Variants in CARNMT1 observed in about 807,000 individuals in gnomAD.
CARNMT1 encodes carnosine N-methyltransferase 1, also known as protein-L-histidine N-pros-methyltransferase CARNMT1.
In CARNMT1, 28 loss-of-function variants were observed where a neutral mutation model predicts 49.6. That is an observed-to-expected ratio of 0.56 (90% CI 0.42 to 0.77). The LOEUF (loss-of-function observed/expected upper bound fraction) is 0.77. Among genes scored for constraint, CARNMT1 ranks in the 30% least tolerant of loss-of-function variants. The pLI is 0.00. For synonymous variants in CARNMT1, 178 were observed against 175.0 expected, an observed-to-expected ratio of 1.02 and a Z score of -0.13; for missense variants, 421 against 512.6, an observed-to-expected ratio of 0.82 and a Z score of 1.73.
intron 1 of CARNMT1, among the ~76,000 whole-genome samples, chr9:75,027,780 C>T (rs1364021163): frequency 6.6e-6 from 1 of 152,218 alleles, no homozygotes; most frequent in Non-Finnish European, 1.5e-5. Flanking sequence ...ATCCTGAGGT[C>T]AGAAGACACG....
At chr9:75,012,782 G>A (rs916679243) in intron 3 of CARNMT1, among the ~76,000 whole-genome samples, 6 of 151,618 alleles carry the variant, frequency 4.0e-5, no homozygotes, top group African/African-American at 1.5e-4. Flanking sequence ...GCCAGGCGTC[G>A]TGGCGGGCGT....
chr9:75,013,075 T>G (rs1414245984), intron 3 of CARNMT1, among the ~76,000 whole-genome samples: 1 of 152,162 alleles, frequency 6.6e-6, no homozygotes, highest in Non-Finnish European at 1.5e-5. Flanking sequence ...CCCACAATTT[T>G]TTGTCTTTGA....
At chr9:74,997,283 T>A (rs1197217764) in intron 5 of CARNMT1, among the ~76,000 whole-genome samples, 1 of 152,066 alleles carries the variant, frequency 6.6e-6, no homozygotes, top group Non-Finnish European at 1.5e-5. Context: ...ATCTTCCATC[T>A]CTCCCTTTCT....
rs1741719793 is a variant in CARNMT1 at position 74,982,169 on chromosome 9, T to C, written c.*1598A>G. On this transcript the variant is annotated 3_prime_UTR_variant, in exon 8 of 8. Coordinates refer to ENST00000376834, the MANE Select transcript of CARNMT1 (RefSeq NM_152420.3). The stretch of plus-strand genomic sequence containing the variant: ...TCCCCCCAACTAGTAAGATGCCAAA[T>C]AGGGTAGTGACTCCCCAGCCTAAGT... The C allele has an allele frequency of 2.0e-5, 3 of 152,200 alleles. No individual in the cohort carries two copies. In the South Asian group the frequency reaches 6.2e-4, roughly 32 times the overall value. 9.4% of individuals were successfully genotyped at this position (152,200 alleles called of 1,614,324 possible).
At position 74,981,692 on chromosome 9, in the gene CARNMT1, AATT is replaced by A. The variant is rs2118735636; in HGVS notation, c.*2072_*2074del. On this transcript the variant is annotated 3_prime_UTR_variant, in exon 8 of 8. Coordinates refer to ENST00000376834, the MANE Select transcript of CARNMT1 (RefSeq NM_152420.3). ...AAGAAAACCTAATAGAAAAAAAATT[AATT>A]AATAAAGCCAACCCACCAGTGTCAA... 1 of 152,246 alleles carries A rather than the reference AATT, an allele frequency of 6.6e-6. No individual in the cohort carries two copies. The highest frequency in any genetic ancestry group is 2.4e-5 in the African/African-American group (1 of 41,572). 9.4% of individuals were successfully genotyped at this position (152,246 alleles called of 1,614,324 possible).
intron 1 of CARNMT1, among the ~76,000 whole-genome samples, chr9:75,026,286 C>G (rs1822527543): frequency 6.6e-6 from 1 of 152,124 alleles, no homozygotes; most frequent in African/African-American, 2.4e-5. Flanking sequence ...CTGATCAACC[C>G]CTACCCCAAC....
chr9:74,995,551 A>G (rs1283337131), intron 6 of CARNMT1, among the ~76,000 whole-genome samples: 1 of 152,168 alleles, frequency 6.6e-6, no homozygotes, highest in Non-Finnish European at 1.5e-5. Flanking sequence ...TCTTAAGAGA[A>G]GTTTGCAAAA....
At chr9:75,015,353 C>T (rs142736449) in intron 3 of CARNMT1, among the ~76,000 whole-genome samples, 27 of 152,160 alleles carry the variant, frequency 1.8e-4, no homozygotes, top group Non-Finnish European at 3.5e-4. Context: ...CATAATTATA[C>T]TTGCAGCTAA....
intron 6 of CARNMT1, among the ~76,000 whole-genome samples, chr9:74,993,143 A>T (rs957334210): frequency 1.3e-5 from 2 of 152,186 alleles, no homozygotes; most frequent in African/African-American, 4.8e-5. Context: ...CTTTGCCCTT[A>T]TGGAGCTTAG....
intron 1 of CARNMT1, among the ~76,000 whole-genome samples, chr9:75,022,483 A>C (rs1247407314): frequency 1.3e-5 from 2 of 152,100 alleles, no homozygotes; most frequent in Non-Finnish European, 2.9e-5. Flanking sequence ...CTTGGTCTCC[A>C]AAAATATTGG....
chr9:75,021,316 CAT>C (rs1236509020), intron 1 of CARNMT1, among the ~76,000 whole-genome samples: 1 of 141,000 alleles, frequency 7.1e-6, no homozygotes, highest in Non-Finnish European at 1.5e-5. Context: ...ATATACATAC[CAT>C]ATATATTATA....
rs909607847 is a variant in CARNMT1, at chr9:75,023,362, T to C, written c.230+4650A>G. On this transcript the variant is annotated intron_variant, in intron 1 of 7. Coordinates refer to ENST00000376834, the MANE Select transcript of CARNMT1 (RefSeq NM_152420.3). Reference sequence around the variant, plus strand: ...AGCATATGTAAAAAGCAATAAATGTTCAGTTATATTCCCACGGGTGCCACT... The same window carrying C: ...AGCATATGTAAAAAGCAATAAATGTCCAGTTATATTCCCACGGGTGCCACT... Among the ~76,000 whole-genome samples the C allele has an allele frequency of 4.6e-5, 7 of 152,176 alleles. No homozygotes were observed. In the South Asian group the frequency reaches 1.4e-3, roughly 31 times the overall value.
intron 6 of CARNMT1, chr9:74,996,121 T>G (rs1024747749): frequency 5.6e-6 from 1 of 177,534 alleles, no homozygotes; most frequent in African/African-American, 2.4e-5. Context: ...GAGAACACTC[T>G]CTTCCTAACA....
intron 1 of CARNMT1, among the ~76,000 whole-genome samples, chr9:75,024,916 C>T (rs1822480162): frequency 6.6e-6 from 1 of 151,966 alleles, no homozygotes. Context: ...AAACAACTGA[C>T]AGATATGTTG....
chr9:74,999,714 A>G lies in CARNMT1; in HGVS notation c.731+16T>C. On this transcript the variant is annotated intron_variant, in intron 4 of 7. Coordinates refer to ENST00000376834, the MANE Select transcript of CARNMT1 (RefSeq NM_152420.3). ...TCTGAGAAATTACTATTTCCAGCAA[A>G]AAATAAATTAAATACCTGTTGAGTA... is the stretch of plus-strand genomic sequence containing the variant. 1 of 1,586,230 alleles carries G rather than the reference A, an allele frequency of 6.3e-7. No individual in the cohort carries two copies. The highest frequency in any genetic ancestry group is 8.5e-7 in the Non-Finnish European group (1 of 1,171,348).
chr9:75,003,363 G>A (rs1010143114), intron 3 of CARNMT1, among the ~76,000 whole-genome samples: 1 of 152,186 alleles, frequency 6.6e-6, no homozygotes, highest in Non-Finnish European at 1.5e-5. Flanking sequence ...CTTAACACAG[G>A]TACAGCAACT....
chr9:75,023,161 A>AAATTAAG (rs986503926), intron 1 of CARNMT1, among the ~76,000 whole-genome samples: 10 of 151,382 alleles, frequency 6.6e-5, no homozygotes, highest in Non-Finnish European at 1.5e-4. Flanking sequence ...AAAGAAAAAG[A>AAATTAAG]AATTAAGGAG....
At chr9:74,992,881 G>A (rs1393097604) in intron 6 of CARNMT1, among the ~76,000 whole-genome samples, 1 of 152,110 alleles carries the variant, frequency 6.6e-6, no homozygotes, top group Non-Finnish European at 1.5e-5. Flanking sequence ...CAGGGTTAGG[G>A]TAAAATCATC....
In CARNMT1 at chr9:75,017,571, C is replaced by T. The variant is rs1833889851; in HGVS notation, c.231-123G>A. ...ATGCTGGATACTGTCCTATCATTTACAATCTCTTGGCTTTAAAAAGGCATT... is the reference window on the plus strand; with the variant it reads ...ATGCTGGATACTGTCCTATCATTTATAATCTCTTGGCTTTAAAAAGGCATT... On this transcript the variant is annotated intron_variant, in intron 1 of 7. Coordinates refer to ENST00000376834, the MANE Select transcript of CARNMT1 (RefSeq NM_152420.3). The T allele has an allele frequency of 7.6e-6, 6 of 789,954 alleles. No individual in the cohort carries two copies. The South Asian group carries it at 1.0e-4, about 13-fold the overall frequency. The allele number at this position is 789,954 out of a possible 1,614,324, so 48.9% of individuals were successfully genotyped here. A position where few individuals can be genotyped will look rare whatever the true frequency, so the allele number is the denominator to read the frequency against.
Sources: allele counts gnomAD v4.1 joint callset (sites outside exome capture counted in the v4.1 genomes callset), GRCh38; gene constraint gnomAD v4.1.1; transcripts MANE v1.5; gene names NCBI Gene and HGNC (gene_info 2026-07-23, HGNC 2026-07-21).